The following NEK7 variants were observed in gnomAD, a reference collection of about 807,000 sequenced individuals.
NEK7 encodes the protein NIMA related kinase 7.
NEK7 carries 18 observed loss-of-function variants against 44.6 expected under a neutral mutation model. The observed-to-expected ratio is 0.40, with a 90% confidence interval of 0.28 to 0.60. NEK7 has a LOEUF of 0.60. NEK7 is among the 20% of genes least tolerant of loss of function. The probability of loss-of-function intolerance (pLI) is 0.38; values close to 1 mark genes in which losing one functional copy is unlikely to be tolerated. For synonymous variants in NEK7, 130 were observed against 121.1 expected (o/e 1.07, Z -0.48); for missense variants, 256 against 366.5 (o/e 0.70, Z 2.46).
At chr1:198,228,568 T>C (rs896428944) in intron 1 of NEK7, among the ~76,000 whole-genome samples, 5 of 152,186 alleles carry the variant, frequency 3.3e-5, no homozygotes, top group African/African-American at 1.2e-4. Flanking sequence ...TAGTTCTCCT[T>C]GAAGAGGTCC....
rs1182914467 is a variant in NEK7 at position 198,178,999 on chromosome 1, C to CT, written c.-29+21733dup. On this transcript the variant is annotated intron_variant, in intron 1 of 9. Coordinates refer to ENST00000367385, the MANE Select transcript of NEK7 (RefSeq NM_133494.3). The stretch of plus-strand genomic sequence containing the variant: ...TTTGATACCATTTGATACCCCCCCC[C>CT]TTTTTTTTTTAAGGAAAAGCCTCTT... Among the ~76,000 whole-genome samples, 203 of 136,192 alleles carry CT rather than the reference C, an allele frequency of 1.5e-3. 1 individual carries two copies. Among genetic ancestry groups the CT allele is most frequent in the Middle Eastern group, 3.7e-3 (1 of 272 alleles). The allele number at this position is 136,192 out of a possible 152,430, so 89.3% of individuals were successfully genotyped here.
At chr1:198,212,602 G>C (rs537294194) in intron 1 of NEK7, among the ~76,000 whole-genome samples, 1 of 152,178 alleles carries the variant, frequency 6.6e-6, no homozygotes, top group African/African-American at 2.4e-5. Context: ...GCCAGAGCAT[G>C]GACTTGCCTG....
intron 1 of NEK7, among the ~76,000 whole-genome samples, chr1:198,161,237 A>G (rs1410095347): frequency 6.6e-6 from 1 of 152,180 alleles, no homozygotes; most frequent in Non-Finnish European, 1.5e-5. Flanking sequence ...TTCTGTTGGT[A>G]GTGGGTAAGG....
chr1:198,232,960 T>C (rs1666442953), intron 2 of NEK7, among the ~76,000 whole-genome samples: 1 of 152,088 alleles, frequency 6.6e-6, no homozygotes, highest in African/African-American at 2.4e-5. Context: ...GAAATATTTA[T>C]TTTAAAATAT....
intron 1 of NEK7, among the ~76,000 whole-genome samples, chr1:198,222,892 A>T: frequency 6.6e-6 from 1 of 151,032 alleles, no homozygotes; most frequent in African/African-American, 2.4e-5. Flanking sequence ...GTGGGGGTGG[A>T]TGGGGGCCGC....
chr1:198,320,429 TA>T lies in NEK7; in HGVS notation c.*908del, dbSNP rs1394022764. 6.6e-5 allele frequency: 10 copies of T among 152,292 alleles called. No individual in the cohort carries two copies. Among genetic ancestry groups the T allele is most frequent in the African/African-American group, 2.4e-4 (10 of 41,596 alleles). 9.4% of individuals were successfully genotyped at this position (152,292 alleles called of 1,614,324 possible). ...ACACTATAATATAAGCCTAAGTTTT[TA>T]TTCATAAGTTTTATTGAAGTTCTGA... On this transcript the variant is annotated 3_prime_UTR_variant, in exon 10 of 10. Coordinates refer to ENST00000367385, the MANE Select transcript of NEK7 (RefSeq NM_133494.3).
At chr1:198,232,164 T>G (rs1159244651) in intron 1 of NEK7, among the ~76,000 whole-genome samples, 1 of 152,174 alleles carries the variant, frequency 6.6e-6, no homozygotes, top group Non-Finnish European at 1.5e-5. Context: ...ATTTTTAGAC[T>G]ATAAAGATAA....
chr1:198,227,738 G>T (rs1365624424), intron 1 of NEK7, among the ~76,000 whole-genome samples: 1 of 152,080 alleles, frequency 6.6e-6, no homozygotes, highest in Non-Finnish European at 1.5e-5. Flanking sequence ...TTGTAAATTT[G>T]TTTGAGTTTA....
At chr1:198,197,663 G>C (rs184784041) in intron 1 of NEK7, 1 of 378,910 alleles carries the variant, frequency 2.6e-6, no homozygotes, top group Non-Finnish European at 4.9e-6. Context: ...GTTAGGCTCA[G>C]GTGGGGGTAG....
intron 1 of NEK7, among the ~76,000 whole-genome samples, chr1:198,227,663 T>A (rs939337185): frequency 1.3e-5 from 2 of 152,260 alleles, no homozygotes; most frequent in African/African-American, 2.4e-5. Context: ...TGCATAAATG[T>A]CTTCTTTTGA....
intron 9 of NEK7, among the ~76,000 whole-genome samples, chr1:198,316,159 A>G (rs1015200797): frequency 6.6e-6 from 1 of 152,210 alleles, no homozygotes; most frequent in Non-Finnish European, 1.5e-5. Flanking sequence ...GCTGACCAGG[A>G]TGAAAGGGAT....
intron 1 of NEK7, among the ~76,000 whole-genome samples, chr1:198,197,226 G>A (rs114179986): frequency 0.029 from 4,463 of 152,210 alleles, 118 homozygotes; most frequent in African/African-American, 0.063. Context: ...TAATATTGCA[G>A]TTTCATTAGT....
At chr1:198,235,371 A>C (rs1558070503) in intron 2 of NEK7, among the ~76,000 whole-genome samples, 1 of 151,362 alleles carries the variant, frequency 6.6e-6, no homozygotes, top group Non-Finnish European at 1.5e-5. Context: ...ACTCCTTCCC[A>C]CCCTCCCTTC....
chr1:198,298,002 C>T (rs1654763734), intron 9 of NEK7, among the ~76,000 whole-genome samples: 1 of 152,088 alleles, frequency 6.6e-6, no homozygotes, highest in Admixed American at 6.6e-5. Flanking sequence ...TTTAGCCTAA[C>T]GTATCATCAT....
intron 1 of NEK7, among the ~76,000 whole-genome samples, chr1:198,182,487 A>G (rs994313875): frequency 1.3e-5 from 2 of 152,078 alleles, no homozygotes; most frequent in African/African-American, 4.8e-5. Flanking sequence ...AACCATGATT[A>G]TGGTTCACAA....
At chr1:198,228,659 G>A (rs1209138513) in intron 1 of NEK7, among the ~76,000 whole-genome samples, 2 of 151,960 alleles carry the variant, frequency 1.3e-5, no homozygotes, top group East Asian at 3.9e-4. Context: ...TCATGATTTG[G>A]CTCTCTGTTT....
chr1:198,208,809 C>T (rs1377866487), intron 1 of NEK7, among the ~76,000 whole-genome samples: 1 of 152,006 alleles, frequency 6.6e-6, no homozygotes, highest in Admixed American at 6.6e-5. Flanking sequence ...TTTTTGAACT[C>T]TAGACTACAA....
intron 1 of NEK7, among the ~76,000 whole-genome samples, chr1:198,213,790 G>A (rs1427631707): frequency 6.6e-6 from 1 of 152,142 alleles, no homozygotes; most frequent in African/African-American, 2.4e-5. Flanking sequence ...CCTCTGTCAA[G>A]GGTGGGACCT....
chr1:198,185,392 A>G (rs1408722775), intron 1 of NEK7, among the ~76,000 whole-genome samples: 1 of 151,704 alleles, frequency 6.6e-6, no homozygotes, highest in East Asian at 1.9e-4. Context: ...TTGCGTAAGA[A>G]ATATATATAT....
Sources: gnomAD v4.1 joint callset for allele counts (sites outside exome capture counted in the v4.1 genomes callset) on GRCh38, gnomAD v4.1.1 for gene constraint, MANE v1.5 for transcripts, NCBI Gene and HGNC (gene_info 2026-07-23, HGNC 2026-07-21) for gene names.